Variants in DYM observed in about 807,000 individuals in gnomAD.
DYM encodes the protein dymeclin, also known as dyggve-Melchior-Clausen syndrome protein.
DYM carries 78 observed loss-of-function variants against 93.1 expected under a neutral mutation model. The observed-to-expected ratio is 0.84, with a 90% CI of 0.70 to 1.01. The LOEUF is 1.01. Among genes scored for constraint, DYM ranks in the 50% least tolerant of loss-of-function variants. The pLI, the probability that DYM is intolerant of heterozygous loss-of-function variation, is 0.00. For missense variants in DYM, 789 were observed against 845.0 expected (o/e 0.93, Z 0.82); for synonymous variants, 321 against 319.7 (o/e 1.00, Z -0.04).
At chr18:49,414,826 C>T (rs988656189) in intron 2 of DYM, among the ~76,000 whole-genome samples, 1 of 152,114 alleles carries the variant, frequency 6.6e-6, no homozygotes, top group Non-Finnish European at 1.5e-5. Context: ...AATGACTTAA[C>T]ATATTTATTT....
chr18:49,376,006 C>T (rs771734834), intron 5 of DYM, among the ~76,000 whole-genome samples: 3 of 152,132 alleles, frequency 2.0e-5, no homozygotes, highest in Non-Finnish European at 4.4e-5. Context: ...CCTTCAGACA[C>T]AGACTGAAGG....
intron 15 of DYM, among the ~76,000 whole-genome samples, chr18:49,123,530 G>C (rs1472515358): frequency 6.6e-6 from 1 of 152,136 alleles, no homozygotes; most frequent in African/African-American, 2.4e-5. Context: ...TTCTAGCAGG[G>C]AATCTGGCAC....
chr18:49,329,479 AAC>A (rs1283116256), intron 8 of DYM: 2 of 152,252 alleles, frequency 1.3e-5, no homozygotes, highest in African/African-American at 4.8e-5. Flanking sequence ...GCAACAAAGT[AAC>A]AGACTCTTTC....
intron 14 of DYM, among the ~76,000 whole-genome samples, chr18:49,201,349 C>T (rs2145891838): frequency 6.6e-6 from 1 of 152,064 alleles, no homozygotes; most frequent in East Asian, 1.9e-4. Context: ...CCATTAAGTC[C>T]TTCTTTTTCC....
chr18:49,080,512 G>A (rs1322091088), intron 17 of DYM, among the ~76,000 whole-genome samples: 3 of 140,456 alleles, frequency 2.1e-5, no homozygotes, highest in Non-Finnish European at 1.6e-5. Context: ...CGGGCAGAGG[G>A]GCTCCTCACT....
intron 14 of DYM, among the ~76,000 whole-genome samples, chr18:49,199,430 T>G (rs1158504462): frequency 3.3e-5 from 5 of 152,208 alleles, no homozygotes; most frequent in African/African-American, 1.2e-4. Flanking sequence ...CTGATCTGAA[T>G]TTACTTGTCC....
chr18:49,334,355 T>C (rs9960848), intron 6 of DYM, among the ~76,000 whole-genome samples: 6,540 of 152,296 alleles, frequency 0.043, 485 homozygotes, highest in African/African-American at 0.15. Flanking sequence ...AGGTCAACTT[T>C]GCATGTTCAG....
chr18:49,308,807 C>G (rs1173858655), intron 8 of DYM, among the ~76,000 whole-genome samples: 1 of 152,014 alleles, frequency 6.6e-6, no homozygotes, highest in Non-Finnish European at 1.5e-5. Context: ...CCAATGGCTT[C>G]CTGCTCAGGT....
chr18:49,065,349 T>G (rs1288292755), intron 17 of DYM, among the ~76,000 whole-genome samples: 1 of 152,210 alleles, frequency 6.6e-6, no homozygotes, highest in Non-Finnish European at 1.5e-5. Flanking sequence ...GTTTTCCTTT[T>G]TCTAGTGAAA....
At chr18:49,147,535 T>C (rs1248556578) in intron 15 of DYM, among the ~76,000 whole-genome samples, 1 of 152,134 alleles carries the variant, frequency 6.6e-6, no homozygotes, top group Non-Finnish European at 1.5e-5. Flanking sequence ...GGGCGAAGGA[T>C]ATGAACAGAC....
chr18:49,233,790 G>A lies in DYM; in HGVS notation c.1460+23220C>T, dbSNP rs568127390. On this transcript the variant is annotated intron_variant, in intron 13 of 17. Coordinates refer to ENST00000675505, the MANE Select transcript of DYM (RefSeq NM_001353214.3). Reference sequence around the variant, plus strand: ...ATGATCCCATGGTGAATTCTGGATTGCTAGATTGAAGGTCTCCTGGCAGCT... The same window carrying A: ...ATGATCCCATGGTGAATTCTGGATTACTAGATTGAAGGTCTCCTGGCAGCT... Among the ~76,000 whole-genome samples, 19 of 152,272 alleles carry A rather than the reference G, an allele frequency of 1.2e-4. No individual in the cohort carries two copies. In the South Asian group the frequency reaches 3.1e-3, roughly 25 times the overall value.
intron 15 of DYM, among the ~76,000 whole-genome samples, chr18:49,147,921 T>C (rs1018937869): frequency 2.0e-5 from 3 of 152,188 alleles, no homozygotes; most frequent in African/African-American, 4.8e-5. Context: ...CTATTCACGA[T>C]AGCAAAGACT....
intron 2 of DYM, among the ~76,000 whole-genome samples, chr18:49,391,953 G>C (rs1283091365): frequency 6.6e-6 from 1 of 152,156 alleles, no homozygotes. Context: ...GAGAGCTCAA[G>C]GCAAGGGCCC....
intron 8 of DYM, among the ~76,000 whole-genome samples, chr18:49,306,933 G>A (rs750242626): frequency 3.3e-5 from 5 of 152,022 alleles, no homozygotes; most frequent in Non-Finnish European, 5.9e-5. Context: ...GACACAAACT[G>A]GTACCCAGAA....
intron 11 of DYM, among the ~76,000 whole-genome samples, chr18:49,260,676 A>T (rs2094475820): frequency 6.6e-6 from 1 of 152,198 alleles, no homozygotes. Flanking sequence ...CAACGGAAAA[A>T]GAAGCAGACT....
intron 2 of DYM, among the ~76,000 whole-genome samples, chr18:49,420,674 A>G (rs564353667): frequency 2.9e-4 from 44 of 152,124 alleles, no homozygotes; most frequent in Non-Finnish European, 6.2e-4. Context: ...CAGTGGGTGC[A>G]GGACAGTGGG....
Position 49,269,706 on chromosome 18 carries a change from C to A in DYM, c.1251+2472G>T, listed in dbSNP as rs548511508. Among the ~76,000 whole-genome samples, 304 of 152,280 alleles carry A rather than the reference C, an allele frequency of 2.0e-3. 1 individual carries two copies. Among genetic ancestry groups the A allele is most frequent in the Non-Finnish European group, 2.6e-3 (178 of 68,024 alleles). ...CACCTAGATGTTGTAGCCATTGTAG[C>A]ACAACACATTATTCATGTGTTTGTG... is the stretch of plus-strand genomic sequence containing the variant. On this transcript the variant is annotated intron_variant, in intron 11 of 17. Transcript: ENST00000675505.
chr18:49,152,484 G>A (rs1281747129), intron 15 of DYM, among the ~76,000 whole-genome samples: 2 of 152,142 alleles, frequency 1.3e-5, no homozygotes, highest in Non-Finnish European at 2.9e-5. Flanking sequence ...GGTAGGGTCA[G>A]GGGGGATGAG....
chr18:49,138,755 A>G (rs1000845190), intron 15 of DYM, among the ~76,000 whole-genome samples: 6 of 152,176 alleles, frequency 3.9e-5, no homozygotes, highest in Non-Finnish European at 2.9e-5. Flanking sequence ...AATTGTGAAA[A>G]ATGCTATGAA....
Sources: allele counts gnomAD v4.1 joint callset (sites outside exome capture counted in the v4.1 genomes callset), GRCh38; gene constraint gnomAD v4.1.1; transcripts MANE v1.5; gene names NCBI Gene and HGNC (gene_info 2026-07-23, HGNC 2026-07-21).